The following SORCS1 variants were observed in gnomAD, a reference collection of about 807,000 sequenced individuals.
The protein encoded by SORCS1 is VPS10 domain-containing receptor SorCS1.
SORCS1 carries 60 observed loss-of-function variants against 146.1 expected under a neutral mutation model. That is an observed-to-expected ratio of 0.41 (90% CI 0.33 to 0.51). The LOEUF (loss-of-function observed/expected upper bound fraction) is 0.51, where lower values mean the gene tolerates loss of function less well. Ranked by LOEUF, SORCS1 falls within the 20% of genes least tolerant of loss-of-function variation. SORCS1 has a pLI of 0.21. For missense variants in SORCS1, 1,352 were observed against 1,487.6 expected (o/e 0.91, Z 1.50); for synonymous variants, 637 against 584.0 (o/e 1.09, Z -1.31).
At chr10:106,936,516 G>C (rs934662060) in intron 2 of SORCS1, among the ~76,000 whole-genome samples, 4 of 152,162 alleles carry the variant, frequency 2.6e-5, no homozygotes, top group Admixed American at 2.6e-4. Flanking sequence ...CTAATGGAGG[G>C]AACTCACATT....
chr10:107,125,400 G>A (rs1417798330), intron 1 of SORCS1, among the ~76,000 whole-genome samples: 1 of 152,216 alleles, frequency 6.6e-6, no homozygotes, highest in Non-Finnish European at 1.5e-5. Context: ...ACCTTTGGAA[G>A]TTGGGAACAG....
At chr10:106,878,646 A>ATATATT (rs1200849744) in intron 2 of SORCS1, among the ~76,000 whole-genome samples, 6 of 117,886 alleles carry the variant, frequency 5.1e-5, no homozygotes, top group East Asian at 4.8e-4. Flanking sequence ...ATATATATAT[A>ATATATT]TATTTTATAG....
chr10:107,087,322 C>T (rs1963837411), intron 1 of SORCS1, among the ~76,000 whole-genome samples: 1 of 152,016 alleles, frequency 6.6e-6, no homozygotes. Flanking sequence ...CACAGTGGCT[C>T]TGGCCAGTCC....
At chr10:106,862,625 A>G (rs1950058455) in intron 2 of SORCS1, among the ~76,000 whole-genome samples, 1 of 152,032 alleles carries the variant, frequency 6.6e-6, no homozygotes, top group South Asian at 2.1e-4. Flanking sequence ...ATACAATTTC[A>G]TAGGATCAAT....
At chr10:106,630,961 A>C (rs1848407212) in intron 18 of SORCS1, among the ~76,000 whole-genome samples, 1 of 152,230 alleles carries the variant, frequency 6.6e-6, no homozygotes, top group Admixed American at 6.5e-5. Flanking sequence ...CCATCCTTTA[A>C]CAAATTTTGT....
At chr10:106,850,703 C>G (rs530937837) in intron 2 of SORCS1, among the ~76,000 whole-genome samples, 13 of 152,276 alleles carry the variant, frequency 8.5e-5, no homozygotes, top group African/African-American at 3.1e-4. Context: ...GTGTATGTAT[C>G]TCAAGCTCAC....
chr10:106,900,185 G>C (rs540680566), intron 2 of SORCS1, among the ~76,000 whole-genome samples: 1 of 152,154 alleles, frequency 6.6e-6, no homozygotes, highest in East Asian at 1.9e-4. Context: ...AACAGTGAAC[G>C]CTTACCACAC....
chr10:106,685,897 T>C (rs1852793364), intron 10 of SORCS1, among the ~76,000 whole-genome samples: 1 of 152,228 alleles, frequency 6.6e-6, no homozygotes, highest in Non-Finnish European at 1.5e-5. Flanking sequence ...AGCAATCTGA[T>C]ATATAGTAAA....
intron 17 of SORCS1, among the ~76,000 whole-genome samples, chr10:106,652,970 A>G (rs1452440758): frequency 2.0e-5 from 3 of 152,242 alleles, no homozygotes; most frequent in Non-Finnish European, 4.4e-5. Flanking sequence ...TTTACAATTC[A>G]GAGAAAAAAT....
At position 107,087,154 on chromosome 10, in the gene SORCS1, G is replaced by C. The variant is rs560421819; in HGVS notation, c.558+76815C>G. 2.0e-5 allele frequency among the ~76,000 whole-genome samples: 3 copies of C among 152,220 alleles called. No homozygotes were observed. In the East Asian group the frequency reaches 5.8e-4, roughly 29 times the overall value. On this transcript the variant is annotated intron_variant, in intron 1 of 25. Coordinates refer to ENST00000263054, the MANE Select transcript of SORCS1 (RefSeq NM_052918.5). ...ATCTCTTTTACTTTAAGTCCGTCTT[G>C]GGGTTGTCTTTGGTGAGACAAAATA...
intron 9 of SORCS1, among the ~76,000 whole-genome samples, chr10:106,692,973 T>C (rs1853410355): frequency 6.6e-6 from 1 of 151,954 alleles, no homozygotes; most frequent in Non-Finnish European, 1.5e-5. Context: ...AAAAAATAAA[T>C]TTCTAGAATA....
chr10:106,721,572 A>G (rs1309543529), intron 6 of SORCS1, among the ~76,000 whole-genome samples: 11 of 152,226 alleles, frequency 7.2e-5, no homozygotes, highest in African/African-American at 2.7e-4. Flanking sequence ...CAGATGGGTT[A>G]TATTTGAAAA....
intron 1 of SORCS1, among the ~76,000 whole-genome samples, chr10:107,110,221 T>A (rs936962810): frequency 1.3e-5 from 2 of 152,168 alleles, no homozygotes; most frequent in South Asian, 4.1e-4. Context: ...AGTTTCAAAG[T>A]TGCTTCTAGA....
At chr10:107,036,193 T>C (rs1958899353) in intron 1 of SORCS1, among the ~76,000 whole-genome samples, 1 of 142,532 alleles carries the variant, frequency 7.0e-6, no homozygotes, top group South Asian at 2.1e-4. Context: ...ATCCTTTCAT[T>C]TTGATACAGC....
upstream of SORCS1, among the ~76,000 whole-genome samples, chr10:107,169,323 A>G (rs201558025): frequency 1.5e-4 from 23 of 152,286 alleles, no homozygotes; most frequent in South Asian, 2.1e-4. Context: ...TGGGGAGAAT[A>G]ATATGCAGGC....
chr10:106,698,689 C>T (rs543315937), intron 9 of SORCS1, among the ~76,000 whole-genome samples: 58 of 152,316 alleles, frequency 3.8e-4, no homozygotes, highest in African/African-American at 1.2e-3. Context: ...ATTTAGGAGA[C>T]AAGCACCTGT....
intron 18 of SORCS1, 22 bp downstream of exon 18, chr10:106,652,360 G>A: frequency 6.3e-7 from 1 of 1,581,858 alleles, no homozygotes; most frequent in Non-Finnish European, 8.6e-7. Context: ...GAAAGTAGGG[G>A]GGAGATAGGA....
At chr10:107,131,394 C>T (rs148591333) in intron 1 of SORCS1, among the ~76,000 whole-genome samples, 107 of 152,376 alleles carry the variant, frequency 7.0e-4, no homozygotes, top group African/African-American at 2.5e-3. Flanking sequence ...TAGCTGCAGA[C>T]CATCTCTTGG....
At chr10:107,068,355 A>C (rs1354452134) in intron 1 of SORCS1, among the ~76,000 whole-genome samples, 1 of 152,136 alleles carries the variant, frequency 6.6e-6, no homozygotes, top group Non-Finnish European at 1.5e-5. Context: ...GTGGACGATA[A>C]CAAGGGGGAA....
Sources: allele counts gnomAD v4.1 joint callset (sites outside exome capture counted in the v4.1 genomes callset), GRCh38; gene constraint gnomAD v4.1.1; transcripts MANE v1.5; gene names NCBI Gene and HGNC (gene_info 2026-07-23, HGNC 2026-07-21).